The following PAFAH1B1 variants were observed in gnomAD, a reference collection of about 807,000 sequenced individuals.
PAFAH1B1 encodes the protein platelet activating factor acetylhydrolase 1b regulatory subunit 1.
Under a neutral mutation model 57.5 loss-of-function variants are expected in PAFAH1B1, and 2 were observed. That is an observed-to-expected ratio of 0.03 (90% CI 0.01 to 0.11). PAFAH1B1 has a LOEUF of 0.11. PAFAH1B1 is among the 10% of genes least tolerant of loss of function. The pLI is 1.00. For missense variants in PAFAH1B1, 257 were observed against 512.0 expected, an observed-to-expected ratio of 0.50 and a Z score of 4.81; for synonymous variants, 152 against 169.6, an observed-to-expected ratio of 0.90 and a Z score of 0.81.
At chr17:2,594,816 G>A (rs555088839) in intron 1 of PAFAH1B1, among the ~76,000 whole-genome samples, 1 of 152,352 alleles carries the variant, frequency 6.6e-6, no homozygotes, top group Admixed American at 6.5e-5. Context: ...GCCCCTTTGG[G>A]AAACGCAGTG....
chr17:2,658,925 C>T (rs1184113070), intron 2 of PAFAH1B1, among the ~76,000 whole-genome samples: 4 of 152,048 alleles, frequency 2.6e-5, no homozygotes, highest in Non-Finnish European at 4.4e-5. Flanking sequence ...CTGCCCTTTC[C>T]CTGAAGAGTC....
intron 3 of PAFAH1B1, among the ~76,000 whole-genome samples, 199 bp from the exon 4 acceptor site, chr17:2,665,817 G>T (rs1328856068): frequency 2.6e-5 from 4 of 152,024 alleles, no homozygotes; most frequent in Non-Finnish European, 5.9e-5. Context: ...GGCCAGGCTG[G>T]TCTCAAACTC....
chr17:2,669,622 A>AC (rs1373918617), intron 5 of PAFAH1B1, among the ~76,000 whole-genome samples: 1 of 152,194 alleles, frequency 6.6e-6, no homozygotes, highest in Non-Finnish European at 1.5e-5. Flanking sequence ...TGAACAGTTA[A>AC]CATCTTCTGA....
chr17:2,632,261 A>C (rs973781981), intron 1 of PAFAH1B1, among the ~76,000 whole-genome samples: 3 of 152,222 alleles, frequency 2.0e-5, no homozygotes, highest in African/African-American at 7.2e-5. Context: ...TTTTAAAAAT[A>C]GCCACAATAC....
intron 2 of PAFAH1B1, among the ~76,000 whole-genome samples, chr17:2,643,569 C>G (rs1312604250): frequency 1.4e-5 from 2 of 143,052 alleles, no homozygotes; most frequent in Non-Finnish European, 3.1e-5. Flanking sequence ...TTTTTTTTCT[C>G]TTCCCCCGGA....
intron 2 of PAFAH1B1, among the ~76,000 whole-genome samples, chr17:2,651,572 G>A (rs1416567923): frequency 2.0e-5 from 3 of 149,490 alleles, no homozygotes; most frequent in African/African-American, 7.4e-5. Context: ...GTAACAGAGT[G>A]AGACTCCATC....
intron 1 of PAFAH1B1, among the ~76,000 whole-genome samples, chr17:2,603,604 A>G (rs899873272): frequency 1.1e-4 from 16 of 152,156 alleles, no homozygotes; most frequent in African/African-American, 3.4e-4. Context: ...CTGGGCAAAA[A>G]GAGCAAAACT....
intron 5 of PAFAH1B1, among the ~76,000 whole-genome samples, chr17:2,667,979 T>C (rs2069130682): frequency 6.6e-6 from 1 of 151,926 alleles, no homozygotes; most frequent in Non-Finnish European, 1.5e-5. Context: ...GATGCCTCTA[T>C]CCTAAGGGTT....
At chr17:2,654,722 G>GC (rs905632511) in intron 2 of PAFAH1B1, among the ~76,000 whole-genome samples, 1 of 152,040 alleles carries the variant, frequency 6.6e-6, no homozygotes, top group East Asian at 1.9e-4. Context: ...GTTCACTGCA[G>GC]CCTCCGCCTC....
At chr17:2,632,183 C>T (rs1365342272) in intron 1 of PAFAH1B1, among the ~76,000 whole-genome samples, 1 of 152,240 alleles carries the variant, frequency 6.6e-6, no homozygotes, top group Non-Finnish European at 1.5e-5. Context: ...CCTGCCTTGG[C>T]CTCCCGAAGT....
At chr17:2,653,241 A>C (rs2068890252) in intron 2 of PAFAH1B1, among the ~76,000 whole-genome samples, 1 of 152,140 alleles carries the variant, frequency 6.6e-6, no homozygotes, top group African/African-American at 2.4e-5. Context: ...GGACACAGGA[A>C]GGGGAACATC....
At chr17:2,631,303 C>T (rs541436780) in intron 1 of PAFAH1B1, among the ~76,000 whole-genome samples, 7 of 152,178 alleles carry the variant, frequency 4.6e-5, no homozygotes, top group South Asian at 4.2e-4. Flanking sequence ...TGCCTCCCAG[C>T]GGTGAAAGAA....
At chr17:2,670,052 C>T in intron 5 of PAFAH1B1, 111 bp from the exon 6 acceptor site, 1 of 861,158 alleles carries the variant, frequency 1.2e-6, no homozygotes, top group Non-Finnish European at 2.0e-6. Context: ...TCCTTTGTTA[C>T]TTGTTCGGTT....
At chr17:2,660,425 C>T (rs938127210) in intron 2 of PAFAH1B1, among the ~76,000 whole-genome samples, 5 of 152,034 alleles carry the variant, frequency 3.3e-5, no homozygotes, top group East Asian at 1.9e-4. Context: ...CCAACAGGCC[C>T]GGGTGTGTGT....
At chr17:2,631,663 C>T (rs186134587) in intron 1 of PAFAH1B1, among the ~76,000 whole-genome samples, 1 of 152,216 alleles carries the variant, frequency 6.6e-6, no homozygotes, top group African/African-American at 2.4e-5. Context: ...TCCTTTCTCA[C>T]TTCTGCAGTT....
At chr17:2,668,814 A>G (rs1225233830) in intron 5 of PAFAH1B1, among the ~76,000 whole-genome samples, 8 of 152,090 alleles carry the variant, frequency 5.3e-5, no homozygotes, top group African/African-American at 9.7e-5. Flanking sequence ...TCTCTACTAA[A>G]AAATACAAAA....
At chr17:2,653,117 A>AT (rs1197536057) in intron 2 of PAFAH1B1, among the ~76,000 whole-genome samples, 1 of 152,136 alleles carries the variant, frequency 6.6e-6, no homozygotes, top group Non-Finnish European at 1.5e-5. Flanking sequence ...TGTGCCCTTT[A>AT]TAGGGACATG....
chr17:2,655,972 G>A (rs1418810895), intron 2 of PAFAH1B1, among the ~76,000 whole-genome samples: 1 of 152,056 alleles, frequency 6.6e-6, no homozygotes, highest in African/African-American at 2.4e-5. Flanking sequence ...CACCCAGGCT[G>A]GAGTGCAGTG....
chr17:2,595,767 ATATT>A (rs1319959159), intron 1 of PAFAH1B1, among the ~76,000 whole-genome samples: 2 of 152,194 alleles, frequency 1.3e-5, no homozygotes, highest in Non-Finnish European at 2.9e-5. Context: ...AGGCTGGTAT[ATATT>A]TTAAAATCAG....
Sources: gnomAD v4.1 joint callset for allele counts (sites outside exome capture counted in the v4.1 genomes callset) on GRCh38, gnomAD v4.1.1 for gene constraint, MANE v1.5 for transcripts, NCBI Gene and HGNC (gene_info 2026-07-23, HGNC 2026-07-21) for gene names.